RCL1: variants seen among roughly 807,000 people sequenced by gnomAD.
RCL1 encodes the protein RNA terminal phosphate cyclase like 1.
A neutral mutation model predicts 42.4 loss-of-function variants in RCL1; 24 were observed. That is an observed-to-expected ratio of 0.57 (90% confidence interval 0.41 to 0.80). The LOEUF (loss-of-function observed/expected upper bound fraction) is 0.80. Ranked by LOEUF, RCL1 falls within the 30% of genes least tolerant of loss-of-function variation. The pLI is 0.00. For missense variants in RCL1, 578 were observed against 467.9 expected (o/e 1.24, Z -2.17); for synonymous variants, 228 against 177.3 (o/e 1.29, Z -2.27).
intron 8 of RCL1, among the ~76,000 whole-genome samples, chr9:4,856,207 C>A (rs985172872): frequency 1.3e-5 from 2 of 152,132 alleles, no homozygotes; most frequent in Non-Finnish European, 2.9e-5. Context: ...TTCTTTTTTC[C>A]CTAGGACAGG....
intron 4 of RCL1, 77 bp downstream of exon 4, chr9:4,833,305 A>C (rs7036729): frequency 9.2e-7 from 1 of 1,084,792 alleles, no homozygotes; most frequent in East Asian, 2.4e-5. Context: ...GAGCTGTGTG[A>C]CTCAGTGTAT....
chr9:4,852,617 GT>G (rs1361112065), intron 8 of RCL1, among the ~76,000 whole-genome samples: 1 of 152,166 alleles, frequency 6.6e-6, no homozygotes, highest in African/African-American at 2.4e-5. Flanking sequence ...TGGTCCTGAA[GT>G]CCTGGACTTG....
At chr9:4,825,984 C>G (rs1816747039) in intron 2 of RCL1, among the ~76,000 whole-genome samples, 2 of 151,144 alleles carry the variant, frequency 1.3e-5, no homozygotes, top group African/African-American at 2.4e-5. Context: ...GGTCTCAGCA[C>G]TTTGGGAGGC....
intron 6 of RCL1, among the ~76,000 whole-genome samples, chr9:4,843,965 C>A (rs1292662757): frequency 6.6e-6 from 1 of 152,182 alleles, no homozygotes; most frequent in South Asian, 2.1e-4. Flanking sequence ...ACTCACTGCA[C>A]CCCCTTTCCT....
At chr9:4,836,178 G>C (rs1000989143) in intron 5 of RCL1, among the ~76,000 whole-genome samples, 1 of 152,254 alleles carries the variant, frequency 6.6e-6, no homozygotes, top group Admixed American at 6.5e-5. Flanking sequence ...CACAGTGCCA[G>C]CTGCATGGCC....
At chr9:4,824,374 ATTTTTT>A (rs71326141) in intron 2 of RCL1, among the ~76,000 whole-genome samples, 19 of 120,298 alleles carry the variant, frequency 1.6e-4, no homozygotes, top group Non-Finnish European at 2.6e-4. Context: ...TTCAGCCAGC[ATTTTTT>A]TTTTTTTTTT....
At chr9:4,855,728 C>T (rs983025759) in intron 8 of RCL1, among the ~76,000 whole-genome samples, 3 of 152,068 alleles carry the variant, frequency 2.0e-5, no homozygotes, top group Non-Finnish European at 2.9e-5. Context: ...GGGAAAGATT[C>T]TGAAATGTAC....
At chr9:4,847,661 C>T (rs749908994) in intron 7 of RCL1, among the ~76,000 whole-genome samples, 2 of 152,226 alleles carry the variant, frequency 1.3e-5, no homozygotes, top group Non-Finnish European at 2.9e-5. Flanking sequence ...GATCTCTTCA[C>T]TCATGTGCAC....
chr9:4,834,584 T>C (rs1239960835), intron 5 of RCL1, among the ~76,000 whole-genome samples: 3 of 151,564 alleles, frequency 2.0e-5, no homozygotes, highest in African/African-American at 7.3e-5. Context: ...CTGCAGTTCC[T>C]CCCTCAGAAG....
intron 1 of RCL1, among the ~76,000 whole-genome samples, chr9:4,821,984 C>A (rs900739965): frequency 6.6e-6 from 1 of 152,216 alleles, no homozygotes; most frequent in Non-Finnish European, 1.5e-5. Context: ...ATGGGAATGA[C>A]ACTCTGTGCC....
At chr9:4,826,779 G>A (rs1261353110) in intron 2 of RCL1, 79 bp from the exon 3 acceptor site, 4 of 1,270,838 alleles carry the variant, frequency 3.1e-6, no homozygotes, top group Non-Finnish European at 4.4e-6. Flanking sequence ...CTTTCCCCTT[G>A]GAACTCACTG....
chr9:4,808,020 T>C (rs1011173610), intron 1 of RCL1, among the ~76,000 whole-genome samples: 3 of 152,190 alleles, frequency 2.0e-5, no homozygotes, highest in Admixed American at 6.5e-5. Context: ...CAAATATATG[T>C]TCTTCTCTTG....
At chr9:4,811,954 G>C (rs1032243769) in intron 1 of RCL1, among the ~76,000 whole-genome samples, 4 of 152,266 alleles carry the variant, frequency 2.6e-5, no homozygotes, top group African/African-American at 9.6e-5. Context: ...AATTAGTGAT[G>C]CTGAGCACTT....
At chr9:4,823,979 C>G (rs1030023764) in intron 2 of RCL1, among the ~76,000 whole-genome samples, 1 of 152,102 alleles carries the variant, frequency 6.6e-6, no homozygotes, top group Non-Finnish European at 1.5e-5. Flanking sequence ...CAGAGACATA[C>G]ATGAAGTCTC....
chr9:4,858,679 C>A (rs1030467941), intron 8 of RCL1, among the ~76,000 whole-genome samples: 2 of 152,198 alleles, frequency 1.3e-5, no homozygotes, highest in Non-Finnish European at 2.9e-5. Flanking sequence ...ACTCTCAATT[C>A]TCTTCCATTG....
intron 1 of RCL1, among the ~76,000 whole-genome samples, chr9:4,802,105 T>C (rs1317560991): frequency 1.4e-5 from 2 of 146,634 alleles, no homozygotes; most frequent in Non-Finnish European, 3.0e-5. Context: ...TTTGTATTTT[T>C]GTAGAGGCGG....
intron 7 of RCL1, among the ~76,000 whole-genome samples, chr9:4,846,947 G>C (rs1381246967): frequency 6.7e-6 from 1 of 149,638 alleles, no homozygotes; most frequent in East Asian, 2.0e-4. Context: ...GTGCAGTGAC[G>C]TGATCTTGGC....
chr9:4,849,374 G>GT (rs556405662), intron 7 of RCL1, 73 bp from the exon 8 acceptor site: 19,505 of 968,812 alleles, frequency 0.02, 2 homozygotes, highest in South Asian at 0.023. Flanking sequence ...TATGTTTCTG[G>GT]TTTTTTTTTT....
chr9:4,847,743 C>G (rs117307744), intron 7 of RCL1, among the ~76,000 whole-genome samples: 6 of 152,364 alleles, frequency 3.9e-5, no homozygotes, highest in Non-Finnish European at 7.3e-5. Flanking sequence ...AAAGGCTTGC[C>G]TTAATTGGGC....
Sources: gnomAD v4.1 joint callset for allele counts (sites outside exome capture counted in the v4.1 genomes callset) on GRCh38, gnomAD v4.1.1 for gene constraint, MANE v1.5 for transcripts, NCBI Gene and HGNC (gene_info 2026-07-23, HGNC 2026-07-21) for gene names.